The following ABCA13 variants were observed in gnomAD, a reference collection of about 807,000 sequenced individuals.
ABCA13 encodes ATP-binding cassette sub-family A member 13.
ABCA13 carries 476 observed loss-of-function variants against 478.7 expected under a neutral mutation model. The ratio of observed to expected loss-of-function variants is 0.99; its 90% CI spans 0.92 to 1.07. The LOEUF is 1.07. Ranked by LOEUF, ABCA13 falls within the 50% of genes least tolerant of loss-of-function variation. ABCA13 has a pLI of 0.00. For missense variants in ABCA13, 6,060 were observed against 5,910.6 expected (o/e 1.03, Z -0.83); for synonymous variants, 2,252 against 2,158.9 (o/e 1.04, Z -1.20).
chr7:48,634,313 A>G (rs1406298278), intron 59 of ABCA13, among the ~76,000 whole-genome samples: 1 of 152,172 alleles, frequency 6.6e-6, no homozygotes, highest in Non-Finnish European at 1.5e-5. Flanking sequence ...CACTGGCCTC[A>G]AAGAGTGAGG....
intron 23 of ABCA13, among the ~76,000 whole-genome samples, chr7:48,302,630 G>A (rs1275331556): frequency 4.6e-5 from 7 of 152,126 alleles, no homozygotes; most frequent in African/African-American, 1.7e-4. Flanking sequence ...ATTTGCTGAC[G>A]ATAATGGCCT....
At chr7:48,589,608 A>G (rs972985347) in intron 57 of ABCA13, among the ~76,000 whole-genome samples, 2 of 152,194 alleles carry the variant, frequency 1.3e-5, no homozygotes, top group Non-Finnish European at 2.9e-5. Flanking sequence ...CAAATTTCAA[A>G]TATGTAATAC....
intron 45 of ABCA13, among the ~76,000 whole-genome samples, chr7:48,476,021 T>A (rs988196648): frequency 7.9e-5 from 12 of 152,184 alleles, no homozygotes; most frequent in African/African-American, 2.9e-4. Context: ...GTGGAGGGCA[T>A]ATTTGTTTCT....
intron 43 of ABCA13, among the ~76,000 whole-genome samples, chr7:48,460,984 T>G (rs1244603117): frequency 6.6e-6 from 1 of 152,200 alleles, no homozygotes; most frequent in African/African-American, 2.4e-5. Context: ...TATGTACAAC[T>G]TCCTTCTATG....
intron 43 of ABCA13, among the ~76,000 whole-genome samples, chr7:48,458,558 A>G (rs936655756): frequency 6.6e-6 from 1 of 152,338 alleles, no homozygotes; most frequent in East Asian, 1.9e-4. Flanking sequence ...TGTTCTGACA[A>G]TTCTCAATAG....
intron 59 of ABCA13, among the ~76,000 whole-genome samples, chr7:48,636,321 C>G (rs1433699887): frequency 2.0e-5 from 3 of 152,152 alleles, no homozygotes; most frequent in Non-Finnish European, 4.4e-5. Context: ...GAAGCAGATC[C>G]CAGTTAGTAC....
Position 48,286,783 on chromosome 7 carries a change from G to C in ABCA13, c.8837-1177G>C, listed in dbSNP as rs191462100. ...CTCCCAAAGTGCTGGGATTACAGGC[G>C]TGAGCCACCGTGCCTGGCTCAGAAC... On this transcript the variant is annotated intron_variant, in intron 19 of 61. Transcript: ENST00000435803. 3.3e-3 allele frequency among the ~76,000 whole-genome samples: 508 copies of C among 152,238 alleles called. 2 individuals carry two copies. The highest frequency in any genetic ancestry group is 0.012 in the African/African-American group (484 of 41,524).
At chr7:48,343,333 A>G (rs769586327) in intron 29 of ABCA13, among the ~76,000 whole-genome samples, 12 of 152,128 alleles carry the variant, frequency 7.9e-5, no homozygotes, top group Non-Finnish European at 1.6e-4. Flanking sequence ...CTTCAGCCTT[A>G]GTAGGGAAAT....
intron 15 of ABCA13, among the ~76,000 whole-genome samples, chr7:48,263,903 G>A (rs1388585818): frequency 6.6e-6 from 1 of 151,828 alleles, no homozygotes; most frequent in African/African-American, 2.4e-5. Flanking sequence ...AATTAAGACA[G>A]TGAAAGTCTT....
chr7:48,237,965 C>T (rs1790215944), intron 8 of ABCA13, among the ~76,000 whole-genome samples: 1 of 152,158 alleles, frequency 6.6e-6, no homozygotes, highest in African/African-American at 2.4e-5. Flanking sequence ...TAGAACAAAA[C>T]ATCAGGGACC....
At chr7:48,317,320 A>G (rs766364389) in intron 27 of ABCA13, 24 bp downstream of exon 27, 1 of 1,604,450 alleles carries the variant, frequency 6.2e-7, no homozygotes. Context: ...AATGAGAATC[A>G]TATAGACCAT....
intron 27 of ABCA13, among the ~76,000 whole-genome samples, chr7:48,322,553 C>G (rs1400047710): frequency 2.0e-5 from 3 of 152,200 alleles, no homozygotes; most frequent in Non-Finnish European, 2.9e-5. Context: ...TGTTCCCACT[C>G]TCCCTGTCCT....
At chr7:48,411,291 CTTCTT>C (rs571322141) in intron 40 of ABCA13, among the ~76,000 whole-genome samples, 2,536 of 92,846 alleles carry the variant, frequency 0.027, 128 homozygotes, top group African/African-American at 0.072. Context: ...TCCTTCCTTC[CTTCTT>C]TTCTTTTCTT....
At chr7:48,633,278 T>A (rs1427035722) in intron 59 of ABCA13, among the ~76,000 whole-genome samples, 1 of 152,080 alleles carries the variant, frequency 6.6e-6, no homozygotes, top group Non-Finnish European at 1.5e-5. Flanking sequence ...ATAAAACAAG[T>A]ACTTCTAGAA....
chr7:48,536,072 G>A (rs1833555364), intron 55 of ABCA13, among the ~76,000 whole-genome samples: 1 of 152,180 alleles, frequency 6.6e-6, no homozygotes. Context: ...AATTCTTGTA[G>A]CAAAAGTTCA....
intron 56 of ABCA13, among the ~76,000 whole-genome samples, chr7:48,581,951 A>G (rs1321977857): frequency 6.6e-6 from 1 of 152,242 alleles, no homozygotes; most frequent in African/African-American, 2.4e-5. Flanking sequence ...TTATCACAAG[A>G]TGTCCAGAAA....
chr7:48,636,053 C>T (rs2131662724), intron 59 of ABCA13, among the ~76,000 whole-genome samples: 1 of 152,240 alleles, frequency 6.6e-6, no homozygotes, highest in South Asian at 2.1e-4. Flanking sequence ...AGTGACTGTG[C>T]CCGTAAAATA....
intron 35 of ABCA13, among the ~76,000 whole-genome samples, chr7:48,385,914 T>A (rs1328187200): frequency 2.6e-5 from 4 of 152,234 alleles, no homozygotes; most frequent in Admixed American, 2.6e-4. Flanking sequence ...TTATCATTGA[T>A]GTTGAGGTTT....
At position 48,278,638 on chromosome 7, in the gene ABCA13, A is replaced by G; in HGVS notation, c.7444A>G (p.Ile2482Val). ...LEITKRLVGA[I>V]SRASEESHVL... Reference sequence around the variant, plus strand: ...AATTACTAAGAGATTAGTTGGTGCTATTTCAAGAGCAAGTGAAGAAAGTCA... The same window carrying G: ...AATTACTAAGAGATTAGTTGGTGCTGTTTCAAGAGCAAGTGAAGAAAGTCA... Residue 2482 changes from isoleucine to valine, a missense_variant, in exon 18 of 62, where the codon ATT becomes GTT. By Grantham distance (29) the Ile-to-Val change is conservative. Transcript: ENST00000435803. 1 of 1,613,644 alleles carries G rather than the reference A, an allele frequency of 6.2e-7. No individual in the cohort carries two copies. Among genetic ancestry groups the G allele is most frequent in the South Asian group, 1.1e-5 (1 of 91,072 alleles).
Sources: gnomAD v4.1 joint callset for allele counts (sites outside exome capture counted in the v4.1 genomes callset) on GRCh38, gnomAD v4.1.1 for gene constraint, MANE v1.5 for transcripts, NCBI Gene and HGNC (gene_info 2026-07-23, HGNC 2026-07-21) for gene names.